Variants in CHI3L1 observed in about 807,000 individuals in gnomAD.
CHI3L1 encodes chitinase 3 like 1, also known as chitinase-3-like protein 1.
In CHI3L1, 30 loss-of-function variants were observed where a neutral mutation model predicts 40.7. The ratio of observed to expected loss-of-function variants is 0.74; its 90% CI spans 0.55 to 1.00. CHI3L1 has a LOEUF of 1.00. Ranked by LOEUF, CHI3L1 falls within the 50% of genes least tolerant of loss-of-function variation. The pLI is 0.00. For missense variants in CHI3L1, 493 were observed against 492.2 expected (o/e 1.00, Z -0.01); for synonymous variants, 210 against 192.1 (o/e 1.09, Z -0.77).
intron 1 of CHI3L1, 114 bp downstream of exon 1, chr1:203,186,485 C>T: frequency 1.4e-6 from 2 of 1,448,698 alleles, no homozygotes; most frequent in Admixed American, 1.7e-5. Context: ...CTCTGCTTCT[C>T]CTCCCCCTCT....
intron 4 of CHI3L1, 137 bp from the exon 5 acceptor site, chr1:203,183,928 G>A: frequency 1.0e-6 from 1 of 955,362 alleles, no homozygotes; most frequent in Non-Finnish European, 1.6e-6. Flanking sequence ...TGGGACAGGG[G>A]TCGCCTCCAG....
At chr1:203,186,415 C>T in intron 1 of CHI3L1, 70 bp from the exon 2 acceptor site, 6 of 1,556,244 alleles carry the variant, frequency 3.9e-6, no homozygotes, top group Non-Finnish European at 4.4e-6. Context: ...CTCCCCCAAG[C>T]AACTGAGACC....
chr1:203,181,574 C>T (rs974533553), intron 6 of CHI3L1: 19 of 244,100 alleles, frequency 7.8e-5, no homozygotes, highest in African/African-American at 3.7e-4. Flanking sequence ...CACTGCACTC[C>T]GGCCTGGGCA....
At chr1:203,180,792 G>A in intron 7 of CHI3L1, 140 bp from the exon 8 acceptor site, 1 of 653,358 alleles carries the variant, frequency 1.5e-6, no homozygotes, top group Non-Finnish European at 2.5e-6. Context: ...AACGGATCAT[G>A]TCACTTTAAA....
intron 3 of CHI3L1, 64 bp from the exon 4 acceptor site, chr1:203,184,696 C>T: frequency 6.9e-7 from 1 of 1,446,420 alleles, no homozygotes; most frequent in Non-Finnish European, 9.7e-7. Context: ...ACTGGGTGGC[C>T]CCATGTCTGA....
At position 203,185,185 on chromosome 1, in the gene CHI3L1, T is replaced by C. The variant is rs1374716034; in HGVS notation, c.256A>G (p.Arg86Gly). 4 of 1,612,076 alleles carry C rather than the reference T, an allele frequency of 2.5e-6. No individual in the cohort carries two copies. The highest frequency in any genetic ancestry group is 3.4e-6 in the Non-Finnish European group (4 of 1,178,984). ...TCTCCTGGCCAGCCCTGGCCCAACCTGTTCTTGAGTGTGTTGAGCATGCCG... is the reference window on the plus strand; with the variant it reads ...TCTCCTGGCCAGCCCTGGCCCAACCCGTTCTTGAGTGTGTTGAGCATGCCG... Reference protein sequence around the residue: ...LYGMLNTLKNRNPNLKTLLSV... With the variant: ...LYGMLNTLKNGNPNLKTLLSV... Residue 86 changes from arginine to glycine, a missense_variant and splice_region_variant, in exon 3 of 10, where the codon AGG (arginine) becomes GGG (glycine). Physicochemically the swap from Arg to Gly is moderately radical, Grantham distance 125. Coordinates refer to ENST00000255409, the MANE Select transcript of CHI3L1 (RefSeq NM_001276.4).
chr1:203,181,190 T>A lies in CHI3L1; in HGVS notation c.683A>T (p.Asp228Val). 1 of 1,614,126 alleles carries A rather than the reference T, an allele frequency of 6.2e-7. No individual in the cohort carries two copies. The highest frequency in any genetic ancestry group is 2.2e-5 in the East Asian group (1 of 44,886). Reference protein sequence around the residue: ...HHSPLFRGQEDASPDRFSNTD... With the variant: ...HHSPLFRGQEVASPDRFSNTD... ...GTTGCTGAATCTGTCAGGACTTGCA[T>A]CCTCCTGACCTCGGAACAGGGGACT... Residue 228 changes from aspartate to valine, a missense_variant, in exon 7 of 10, where the codon GAT (aspartate) becomes GTT (valine). Coordinates refer to ENST00000255409, the MANE Select transcript of CHI3L1 (RefSeq NM_001276.4).
chr1:203,183,223 C>T (rs1276103077), intron 5 of CHI3L1, among the ~76,000 whole-genome samples: 1 of 152,188 alleles, frequency 6.6e-6, no homozygotes, highest in Non-Finnish European at 1.5e-5. Flanking sequence ...GTGATTGCTG[C>T]TGGTATTGTG....
chr1:203,183,793 T>C lies in CHI3L1; in HGVS notation c.315-2A>G. 6.2e-7 allele frequency: 1 copy of C among 1,614,170 alleles called. No individual in the cohort carries two copies. Among genetic ancestry groups the C allele is most frequent in the Non-Finnish European group, 8.5e-7 (1 of 1,180,012 alleles). On this transcript the variant is annotated splice_acceptor_variant, in intron 4 of 9. Transcript: ENST00000255409. LOFTEE classifies it high-confidence loss of function. ...GTGTTGGAGGCTATCTTGGAAAATC[T>C]AGGACCAAAATCAGCCCTGTAGCAT... is the stretch of plus-strand genomic sequence containing the variant.
chr1:203,185,268 A>C lies in CHI3L1; in HGVS notation c.173T>G (p.Phe58Cys). 6.2e-7 allele frequency: 1 copy of C among 1,614,210 alleles called. No homozygotes were observed. Among genetic ancestry groups the C allele is most frequent in the Non-Finnish European group, 8.5e-7 (1 of 1,180,032 alleles). ...GATGTGATCGTTGCTTATATTGGCA[A>C]AGCTGTAGATGATGTGGGTACAGAG... is the stretch of plus-strand genomic sequence containing the variant. Reference protein sequence around the residue: ...RFLCTHIIYSFANISNDHIDT... With the variant: ...RFLCTHIIYSCANISNDHIDT... The change falls in exon 3 of 10, where the codon TTT becomes TGT. Residue 58 changes from phenylalanine (F) to cysteine (C), a missense_variant. By Grantham distance (205) the Phe-to-Cys change is radical. Coordinates refer to ENST00000255409, the MANE Select transcript of CHI3L1 (RefSeq NM_001276.4).
Position 203,180,482 on chromosome 1 carries a change from A to G in CHI3L1, c.882T>C (p.Leu294=), listed in dbSNP as rs577114464. Residue 294 remains leucine (L), a synonymous_variant, in exon 8 of 10, where the codon CTT becomes CTC. Coordinates refer to ENST00000255409, the MANE Select transcript of CHI3L1 (RefSeq NM_001276.4). ...PGRFTKEAGT[L]AYYEICDFLR... ...CCAACTCCATTACCTCATAGTAGGCAAGGGTCCCTGCCTCCTTGGTGAACC... is the reference window on the plus strand; with the variant it reads ...CCAACTCCATTACCTCATAGTAGGCGAGGGTCCCTGCCTCCTTGGTGAACC... 9.4e-6 allele frequency: 15 copies of G among 1,587,582 alleles called. No individual in the cohort carries two copies. In the African/African-American group the frequency reaches 1.4e-4, roughly 14 times the overall value.
rs747254602 is a variant in CHI3L1 at position 203,179,405 on chromosome 1, G to A, written c.*40C>T. The A allele has an allele frequency of 9.3e-6, 14 of 1,499,360 alleles. No individual in the cohort carries two copies. Among genetic ancestry groups the A allele is most frequent in the East Asian group, 6.8e-5 (3 of 43,804 alleles). The allele number at this position is 1,499,360 out of a possible 1,614,324, so 92.9% of individuals were successfully genotyped here. A position where few individuals can be genotyped will look rare whatever the true frequency, so the allele number is the denominator to read the frequency against. Reference sequence around the variant, plus strand: ...CGGCCAGCTGGAGCCAGAGGGGGACGGGGCATCCTTGGCCCCCGTGCTGTG... The same window carrying A: ...CGGCCAGCTGGAGCCAGAGGGGGACAGGGCATCCTTGGCCCCCGTGCTGTG... On this transcript the variant is annotated 3_prime_UTR_variant, in exon 10 of 10. Transcript: ENST00000255409.
chr1:203,183,939 G>A (rs948644123), intron 4 of CHI3L1, 148 bp from the exon 5 acceptor site: 26 of 821,766 alleles, frequency 3.2e-5, no homozygotes, highest in Non-Finnish European at 4.5e-5. Flanking sequence ...TCGCCTCCAG[G>A]CATGCATGTG....
At chr1:203,185,092 G>T in intron 3 of CHI3L1, 92 bp downstream of exon 3, 1 of 1,036,270 alleles carries the variant, frequency 9.6e-7, no homozygotes, top group Non-Finnish European at 1.5e-6. Flanking sequence ...TAGGTGAGCA[G>T]GGTGGGGCCT....
intron 4 of CHI3L1, among the ~76,000 whole-genome samples, chr1:203,184,047 G>A (rs1042810107): frequency 2.6e-5 from 4 of 152,178 alleles, no homozygotes; most frequent in Non-Finnish European, 5.9e-5. Context: ...TTCATCATCT[G>A]TAAAATGGGG....
At position 203,185,209 on chromosome 1, in the gene CHI3L1, C is replaced by G. The variant is rs149615845; in HGVS notation, c.232G>C (p.Gly78Arg). The G allele has an allele frequency of 4.3e-6, 7 of 1,613,972 alleles. No individual in the cohort carries two copies. Among genetic ancestry groups the G allele is most frequent in the Non-Finnish European group, 1.7e-6 (2 of 1,179,990 alleles). The change falls in exon 3 of 10, where the codon GGC becomes CGC. Residue 78 changes from glycine to arginine, a missense_variant. Physicochemically the swap from Gly to Arg is moderately radical, Grantham distance 125. Coordinates refer to ENST00000255409, the MANE Select transcript of CHI3L1 (RefSeq NM_001276.4). Reference sequence around the variant, plus strand: ...CTGTTCTTGAGTGTGTTGAGCATGCCGTAGAGCGTCACATCATTCCACTCC... The same window carrying G: ...CTGTTCTTGAGTGTGTTGAGCATGCGGTAGAGCGTCACATCATTCCACTCC... The part of the protein sequence containing the change: ...TWEWNDVTLY[G>R]MLNTLKNRNP...
At chr1:203,182,682 G>A (rs1655960172) in intron 6 of CHI3L1, 49 bp downstream of exon 6, 1 of 1,611,406 alleles carries the variant, frequency 6.2e-7, no homozygotes, top group Non-Finnish European at 8.5e-7. Context: ...CGGGGAAACA[G>A]GAGTGTTGGC....
At chr1:203,186,430 T>TCCCC in intron 1 of CHI3L1, 85 bp from the exon 2 acceptor site, 22 of 836,360 alleles carry the variant, frequency 2.6e-5, no homozygotes, top group South Asian at 1.8e-4. Flanking sequence ...GAGACCCACC[T>TCCCC]CCCCCACCCC....
Position 203,179,860 on chromosome 1 carries a change from G to A in CHI3L1, c.912C>T (p.Arg304=), listed in dbSNP as rs774198485. 29 of 1,613,992 alleles carry A rather than the reference G, an allele frequency of 1.8e-5. No homozygotes were observed. Among genetic ancestry groups the A allele is most frequent in the East Asian group, 1.6e-4 (7 of 44,890 alleles). The stretch of plus-strand genomic sequence containing the variant: ...CGAGGATTCTATGGACTGTGGCTCC[G>A]CGGAGGAAGTCACAGATCTGAGCAG... ...LAYYEICDFL[R]GATVHRILGQ... is the part of the protein sequence containing the mutation. The change falls in exon 9 of 10, where the codon CGC becomes CGT. Residue 304 remains arginine, a synonymous_variant. Coordinates refer to ENST00000255409, the MANE Select transcript of CHI3L1 (RefSeq NM_001276.4).
Sources: allele counts gnomAD v4.1 joint callset (sites outside exome capture counted in the v4.1 genomes callset), GRCh38; gene constraint gnomAD v4.1.1; transcripts MANE v1.5; gene names NCBI Gene and HGNC (gene_info 2026-07-23, HGNC 2026-07-21).